The following PSD3 variants were observed in gnomAD, a reference collection of about 807,000 sequenced individuals.
PSD3 encodes the protein pleckstrin and Sec7 domain containing 3.
In PSD3, 49 loss-of-function variants were observed where a neutral mutation model predicts 105.5. The ratio of observed to expected loss-of-function variants is 0.46; its 90% CI spans 0.37 to 0.59. The LOEUF (loss-of-function observed/expected upper bound fraction) is 0.59, where lower values mean the gene tolerates loss of function less well. PSD3 is among the 20% of genes least tolerant of loss of function. PSD3 has a pLI of 0.00. For synonymous variants in PSD3, 557 were observed against 457.8 expected (o/e 1.22, Z -2.77); for missense variants, 1,561 against 1,263.8 (o/e 1.24, Z -3.57).
At chr8:18,949,202 ACAGATCGAGACT>A (rs1200805552) in intron 1 of PSD3, among the ~76,000 whole-genome samples, 1 of 103,670 alleles carries the variant, frequency 9.6e-6, no homozygotes, top group Non-Finnish European at 2.0e-5. Context: ...AGCCTGGGCT[ACAGATCGAGACT>A]CTGTCTCAAA....
intron 15 of PSD3, among the ~76,000 whole-genome samples, chr8:18,537,801 C>T (rs1045095906): frequency 6.6e-6 from 1 of 152,118 alleles, no homozygotes; most frequent in East Asian, 1.9e-4. Context: ...CTCAGCCTCC[C>T]AAGTGTCTAG....
At chr8:18,572,943 C>G (rs1209566540) in intron 13 of PSD3, among the ~76,000 whole-genome samples, 1 of 152,126 alleles carries the variant, frequency 6.6e-6, no homozygotes, top group African/African-American at 2.4e-5. Context: ...ATTGATTAAA[C>G]CCCTACTTTC....
intron 9 of PSD3, among the ~76,000 whole-genome samples, chr8:18,696,421 A>G (rs1193000875): frequency 6.6e-6 from 1 of 152,214 alleles, no homozygotes; most frequent in Non-Finnish European, 1.5e-5. Flanking sequence ...CTAAGACAGG[A>G]GCTTGGATTC....
At chr8:18,621,120 G>C (rs535109178) in intron 11 of PSD3, among the ~76,000 whole-genome samples, 3 of 152,004 alleles carry the variant, frequency 2.0e-5, no homozygotes, top group Non-Finnish European at 4.4e-5. Flanking sequence ...CAAGAGTATT[G>C]CTTCCAGCCA....
At chr8:18,733,615 T>A (rs1465957456) in intron 9 of PSD3, 1 of 152,852 alleles carries the variant, frequency 6.5e-6, no homozygotes, top group African/African-American at 2.4e-5. Flanking sequence ...AGAATTTCAC[T>A]GGATCAGAGG....
At chr8:19,024,564 A>G (rs1827477508) in intron 1 of PSD3, among the ~76,000 whole-genome samples, 1 of 152,174 alleles carries the variant, frequency 6.6e-6, no homozygotes, top group South Asian at 2.1e-4. Context: ...TAAAGAAGCC[A>G]CTTACGATGA....
chr8:18,596,208 A>G, intron 12 of PSD3, among the ~76,000 whole-genome samples: 1 of 151,938 alleles, frequency 6.6e-6, no homozygotes, highest in South Asian at 2.1e-4. Context: ...GAGACCAACA[A>G]AAATGGACAA....
At chr8:18,563,343 A>AT (rs566307051) in intron 14 of PSD3, among the ~76,000 whole-genome samples, 3,979 of 148,866 alleles carry the variant, frequency 0.027, 107 homozygotes, top group African/African-American at 0.074. Context: ...GAACAAATAG[A>AT]TTTTTTTTTT....
chr8:19,044,454 C>T (rs557096780), intron 1 of PSD3, among the ~76,000 whole-genome samples: 1 of 152,268 alleles, frequency 6.6e-6, no homozygotes, highest in South Asian at 2.1e-4. Flanking sequence ...TCTTTAAGCC[C>T]ATTGACTAAT....
chr8:19,083,065 A>G (rs557558215), intron 1 of PSD3, among the ~76,000 whole-genome samples: 6 of 152,238 alleles, frequency 3.9e-5, no homozygotes, highest in Non-Finnish European at 7.4e-5. Context: ...GGCCCCTGCC[A>G]GATGCTGTGA....
chr8:18,616,317 AC>A (rs1805660268), intron 11 of PSD3, among the ~76,000 whole-genome samples: 1 of 152,214 alleles, frequency 6.6e-6, no homozygotes, highest in South Asian at 2.1e-4. Context: ...CATTTCTTTG[AC>A]ATATTTTTGA....
At chr8:18,650,946 G>A (rs1714820967) in intron 10 of PSD3, among the ~76,000 whole-genome samples, 12 of 152,066 alleles carry the variant, frequency 7.9e-5, no homozygotes, top group Admixed American at 7.9e-4. Context: ...GGAAAATCCT[G>A]GCCTTCCCAC....
chr8:18,848,268 G>T (rs940464046), intron 4 of PSD3, among the ~76,000 whole-genome samples: 1 of 152,156 alleles, frequency 6.6e-6, no homozygotes. Flanking sequence ...AAAACTGAAC[G>T]CAACACAACA....
At chr8:18,835,897 T>C (rs1282567588) in intron 4 of PSD3, among the ~76,000 whole-genome samples, 3 of 152,074 alleles carry the variant, frequency 2.0e-5, no homozygotes, top group Non-Finnish European at 4.4e-5. Context: ...GCGGATCGTG[T>C]AGGGACTTGG....
At chr8:18,563,994 C>A (rs895756551) in intron 14 of PSD3, among the ~76,000 whole-genome samples, 28 of 152,072 alleles carry the variant, frequency 1.8e-4, no homozygotes, top group African/African-American at 6.5e-4. Flanking sequence ...TATTGAGATA[C>A]AATTCACATA....
At chr8:18,736,556 T>C (rs1362561371) in intron 9 of PSD3, among the ~76,000 whole-genome samples, 1 of 152,194 alleles carries the variant, frequency 6.6e-6, no homozygotes, top group African/African-American at 2.4e-5. Flanking sequence ...GAGAAGGGAA[T>C]AATCACCCAA....
chr8:18,964,372 C>A (rs1213472087), intron 1 of PSD3, among the ~76,000 whole-genome samples: 3 of 152,190 alleles, frequency 2.0e-5, no homozygotes, highest in Non-Finnish European at 2.9e-5. Flanking sequence ...GATCCTCCCA[C>A]CTAGGCCTCC....
intron 4 of PSD3, among the ~76,000 whole-genome samples, chr8:18,812,655 G>T (rs1173896911): frequency 6.6e-6 from 1 of 152,118 alleles, no homozygotes. Flanking sequence ...AGACATGAAA[G>T]ACCAAAGTTA....
chr8:18,670,834 A>T (rs1799744692), intron 9 of PSD3, among the ~76,000 whole-genome samples: 2 of 152,214 alleles, frequency 1.3e-5, no homozygotes, highest in Admixed American at 6.5e-5. Flanking sequence ...AACCCCACCG[A>T]CAATGACTGA....
Sources: gnomAD v4.1 joint callset for allele counts (sites outside exome capture counted in the v4.1 genomes callset) on GRCh38, gnomAD v4.1.1 for gene constraint, MANE v1.5 for transcripts, NCBI Gene and HGNC (gene_info 2026-07-23, HGNC 2026-07-21) for gene names.